Variants in ZEB2 observed in about 807,000 individuals in gnomAD.
The protein encoded by ZEB2 is zinc finger E-box-binding homeobox 2.
In ZEB2, 6 loss-of-function variants were observed where a neutral mutation model predicts 99.9. The observed-to-expected ratio is 0.06, with a 90% CI of 0.03 to 0.12. ZEB2 has a LOEUF of 0.12. ZEB2 is among the 10% of genes least tolerant of loss of function. The pLI, the probability that ZEB2 is intolerant of heterozygous loss-of-function variation, is 1.00. For missense variants in ZEB2, 969 were observed against 1,502.8 expected, an observed-to-expected ratio of 0.64 and a Z score of 5.87; for synonymous variants, 517 against 542.5, an observed-to-expected ratio of 0.95 and a Z score of 0.65.
chr2:144,483,487 A>G (rs1444764451), intron 2 of ZEB2, among the ~76,000 whole-genome samples: 1 of 152,376 alleles, frequency 6.6e-6, no homozygotes, highest in African/African-American at 2.4e-5. Context: ...TTACAAAAAT[A>G]TAACTTTTAA....
At chr2:144,510,909 G>A (rs1025682522) in intron 2 of ZEB2, among the ~76,000 whole-genome samples, 5 of 152,192 alleles carry the variant, frequency 3.3e-5, no homozygotes, top group African/African-American at 4.8e-5. Flanking sequence ...TGATGTGAGC[G>A]AAAGTGAAAT....
chr2:144,460,840 C>A (rs957088133), intron 2 of ZEB2, among the ~76,000 whole-genome samples: 3 of 152,012 alleles, frequency 2.0e-5, no homozygotes, highest in African/African-American at 7.2e-5. Context: ...GAGCAAAAGA[C>A]AATCTGTCTG....
intron 2 of ZEB2, chr2:144,513,610 G>C: frequency 1.3e-6 from 2 of 1,530,878 alleles, no homozygotes; most frequent in Non-Finnish European, 1.7e-6. Flanking sequence ...GCTGGAAGGT[G>C]GCGGGATGGG....
chr2:144,511,258 A>G, intron 2 of ZEB2: 1 of 414,676 alleles, frequency 2.4e-6, no homozygotes, highest in Non-Finnish European at 3.8e-6. Context: ...CATAATATGT[A>G]GGAGAGAACG....
intron 4 of ZEB2, among the ~76,000 whole-genome samples, chr2:144,412,453 T>C (rs1211340303): frequency 6.6e-6 from 1 of 152,240 alleles, no homozygotes; most frequent in Non-Finnish European, 1.5e-5. Flanking sequence ...ATGCTTTATG[T>C]AGAGACACGT....
At chr2:144,512,959 A>G in intron 2 of ZEB2, 1 of 1,287,244 alleles carries the variant, frequency 7.8e-7, no homozygotes, top group Non-Finnish European at 1.0e-6. Flanking sequence ...AACTTTACGA[A>G]GAAAGCTACT....
chr2:144,396,636 G>A, intron 8 of ZEB2, 44 bp from the exon 9 acceptor site: 3 of 1,595,482 alleles, frequency 1.9e-6, no homozygotes, highest in Non-Finnish European at 1.7e-6. Context: ...TTCTCTTTGT[G>A]CTCACACCAA....
At chr2:144,486,807 A>C (rs1264340589) in intron 2 of ZEB2, among the ~76,000 whole-genome samples, 1 of 152,234 alleles carries the variant, frequency 6.6e-6, no homozygotes, top group Non-Finnish European at 1.5e-5. Context: ...GGAAAAATCA[A>C]GATTAACAAG....
chr2:144,498,220 C>T (rs1028250636), intron 2 of ZEB2, among the ~76,000 whole-genome samples: 3 of 139,734 alleles, frequency 2.1e-5, no homozygotes, highest in Admixed American at 1.6e-4. Flanking sequence ...TAGGGCACTA[C>T]GAACCAAACG....
chr2:144,466,199 A>G (rs1396893080), intron 2 of ZEB2, among the ~76,000 whole-genome samples: 2 of 152,192 alleles, frequency 1.3e-5, no homozygotes, highest in Non-Finnish European at 2.9e-5. Flanking sequence ...CTTAGGGGGG[A>G]AAAGTCTGTT....
rs62169204 is a variant in ZEB2, at chr2:144,398,973, G to A, written c.2214C>T (p.Ser738=). 1.2e-6 allele frequency: 2 copies of A among 1,614,152 alleles called. No homozygotes were observed. Among genetic ancestry groups the A allele is most frequent in the Non-Finnish European group, 8.5e-7 (1 of 1,180,024 alleles). The change falls in exon 8 of 10, where the codon TCC becomes TCT. Residue 738 remains serine, a synonymous_variant. Coordinates refer to ENST00000627532, the MANE Select transcript of ZEB2 (RefSeq NM_014795.4). Reference sequence around the variant, plus strand: ...GTTCTGCTATAGATGGTGATGTTATGGAGTCCATAGGTTTTACAGGAGACC... The same window carrying A: ...GTTCTGCTATAGATGGTGATGTTATAGAGTCCATAGGTTTTACAGGAGACC... ...LPRSPVKPMD[S]ITSPSIAELH...
At chr2:144,407,704 T>G (rs920218465) in intron 4 of ZEB2, among the ~76,000 whole-genome samples, 5 of 152,214 alleles carry the variant, frequency 3.3e-5, no homozygotes, top group Admixed American at 2.0e-4. Context: ...CAAAGTAACG[T>G]AATAGCTCCT....
intron 4 of ZEB2, among the ~76,000 whole-genome samples, chr2:144,422,418 T>C (rs1022074812): frequency 6.6e-6 from 1 of 152,314 alleles, no homozygotes; most frequent in Middle Eastern, 3.4e-3. Context: ...TCCATGACTA[T>C]TGAAAATGTA....
chr2:144,392,412 A>T (rs866231648), intron 9 of ZEB2, among the ~76,000 whole-genome samples: 13 of 152,386 alleles, frequency 8.5e-5, no homozygotes, highest in Middle Eastern at 3.4e-3. Flanking sequence ...GGGCATGCCC[A>T]CTAAACTGCA....
chr2:144,436,360 A>T (rs1488035869), intron 2 of ZEB2, among the ~76,000 whole-genome samples: 1 of 152,246 alleles, frequency 6.6e-6, no homozygotes, highest in Non-Finnish European at 1.5e-5. Flanking sequence ...AACCTGCATT[A>T]TAAATTAATG....
intron 2 of ZEB2, among the ~76,000 whole-genome samples, chr2:144,501,254 TA>T: frequency 6.6e-6 from 1 of 152,304 alleles, no homozygotes; most frequent in South Asian, 2.1e-4. Flanking sequence ...ACTGCATTGG[TA>T]TCGTAGGGCT....
chr2:144,400,595 T>A (rs1245039291), intron 7 of ZEB2, among the ~76,000 whole-genome samples: 1 of 152,346 alleles, frequency 6.6e-6, no homozygotes, highest in East Asian at 1.9e-4. Context: ...AATAAAGATG[T>A]CACAGTATTT....
At position 144,398,448 on chromosome 2, in the gene ZEB2, G is replaced by A. The variant is rs906088975; in HGVS notation, c.2739C>T (p.Val913=). Residue 913 remains valine, a synonymous_variant, in exon 8 of 10, where the codon GTC becomes GTT. Transcript: ENST00000627532. ...GTCGTAGCCCAGGAATACTGGTCTGGACTGGTGGCATGAAAGTAGCAGGGG... is the reference window on the plus strand; with the variant it reads ...GTCGTAGCCCAGGAATACTGGTCTGAACTGGTGGCATGAAAGTAGCAGGGG... ...AFPPATFMPP[V]QTSIPGLRPY... The A allele has an allele frequency of 6.2e-7, 1 of 1,614,102 alleles. No individual in the cohort carries two copies. The highest frequency in any genetic ancestry group is 8.5e-7 in the Non-Finnish European group (1 of 1,179,992).
At chr2:144,492,721 C>T (rs1310411399) in intron 2 of ZEB2, among the ~76,000 whole-genome samples, 1 of 152,156 alleles carries the variant, frequency 6.6e-6, no homozygotes, top group Non-Finnish European at 1.5e-5. Context: ...AAACAAAAAG[C>T]AAACCCACTC....
Sources: allele counts gnomAD v4.1 joint callset (sites outside exome capture counted in the v4.1 genomes callset), GRCh38; gene constraint gnomAD v4.1.1; transcripts MANE v1.5; gene names NCBI Gene and HGNC (gene_info 2026-07-23, HGNC 2026-07-21).